DMD: variants seen among roughly 807,000 people sequenced by gnomAD.
DMD encodes mutant dystrophin.
A neutral mutation model predicts 330.1 loss-of-function variants in DMD; 63 were observed. The ratio of observed to expected loss-of-function variants is 0.19; its 90% confidence interval spans 0.16 to 0.24. The LOEUF (loss-of-function observed/expected upper bound fraction) is 0.24, where lower values mean the gene tolerates loss of function less well. Among genes scored for constraint, DMD ranks in the 10% least tolerant of loss-of-function variants. The pLI, the probability that DMD is intolerant of heterozygous loss-of-function variation, is 1.00. For synonymous variants in DMD, 1,223 were observed against 959.8 expected (o/e 1.27, Z -5.07); for missense variants, 3,344 against 2,684.1 (o/e 1.25, Z -5.43).
chrX:32,540,893 C>G (rs1302097958), intron 17 of DMD, among the ~76,000 whole-genome samples: 2 of 111,271 alleles, frequency 1.8e-5, no homozygotes, highest in African/African-American at 6.5e-5. Flanking sequence ...TTGGAGGTAT[C>G]TGGATTTATG....
In DMD at chrX:32,412,116, T is replaced by A. The variant is rs764026008; in HGVS notation, c.4072-203A>T. 3 of 1,157,205 alleles carry A rather than the reference T, an allele frequency of 2.6e-6. No individual in the cohort carries two copies. The African/African-American group carries it at 5.3e-5, about 21-fold the overall frequency. On this transcript the variant is annotated intron_variant, in intron 29 of 78. Coordinates refer to ENST00000357033, the MANE Select transcript of DMD (RefSeq NM_004006.3). ...GAAAAATAAATAGCAAACAAAACTA[T>A]AGGATCAGGGATCTCTGCATGAAAA...
At chrX:32,999,708 G>A (rs185312884) in intron 2 of DMD, among the ~76,000 whole-genome samples, 22 of 110,165 alleles carry the variant, frequency 2.0e-4, no homozygotes, top group Admixed American at 5.9e-4. Context: ...CTAGGGAGTC[G>A]GAGGTTGCAG....
At chrX:31,779,702 TG>T (rs2090907074) in intron 50 of DMD, among the ~76,000 whole-genome samples, 2 of 110,324 alleles carry the variant, frequency 1.8e-5, no homozygotes, top group Non-Finnish European at 3.8e-5. Context: ...TGTGTGTGTG[TG>T]TGTGTGTGTG....
chrX:33,216,961 C>A (rs1416545820), intron 1 of DMD, among the ~76,000 whole-genome samples: 1 of 111,582 alleles, frequency 9.0e-6, no homozygotes, highest in African/African-American at 3.2e-5. Context: ...ATTTTCCCAA[C>A]TTGTTTGATT....
In DMD at chrX:33,014,651, A is replaced by T. The variant is rs5972733; in HGVS notation, c.93+5488T>A. On this transcript the variant is annotated intron_variant, in intron 2 of 78. Coordinates refer to ENST00000357033, the MANE Select transcript of DMD (RefSeq NM_004006.3). ...CATGAAATTATGGAGTTAGGAACAC[A>T]ATGATTACAATTAAAATATCATGTT... Among the ~76,000 whole-genome samples the T allele has an allele frequency of 0.44, 48,307 of 109,922 alleles. 7,739 individuals carry two copies. The highest frequency in any genetic ancestry group is 0.58 in the South Asian group (1,474 of 2,528).
At chrX:32,617,655 A>G (rs1355363123) in intron 11 of DMD, among the ~76,000 whole-genome samples, 2 of 111,782 alleles carry the variant, frequency 1.8e-5, no homozygotes, top group African/African-American at 6.5e-5. Flanking sequence ...TTATTTGGGC[A>G]ATAACTTTTG....
At chrX:32,399,365 T>C (rs1224025395) in intron 30 of DMD, among the ~76,000 whole-genome samples, 1 of 111,528 alleles carries the variant, frequency 9.0e-6, no homozygotes, top group Non-Finnish European at 1.9e-5. Context: ...CTAGAATATA[T>C]AAAGAGCTCA....
chrX:32,161,560 C>A (rs763413163), intron 44 of DMD, among the ~76,000 whole-genome samples: 1 of 111,757 alleles, frequency 8.9e-6, no homozygotes, highest in Non-Finnish European at 1.9e-5. Context: ...ATTTACAGTA[C>A]CTAGCACTTA....
intron 2 of DMD, among the ~76,000 whole-genome samples, chrX:32,948,597 A>G (rs1300611286): frequency 8.9e-6 from 1 of 112,032 alleles, no homozygotes; most frequent in Non-Finnish European, 1.9e-5. Flanking sequence ...TTTCTGTTAA[A>G]TGCATCTGCG....
intron 44 of DMD, among the ~76,000 whole-genome samples, chrX:32,092,362 C>G (rs2096480913): frequency 8.9e-6 from 1 of 111,832 alleles, no homozygotes; most frequent in African/African-American, 3.2e-5. Flanking sequence ...ACACTTCAGA[C>G]AAGGCCCCTT....
intron 1 of DMD, among the ~76,000 whole-genome samples, chrX:33,097,607 C>CTTTTTTTT (rs5902054): frequency 3.4e-5 from 2 of 59,618 alleles, no homozygotes; most frequent in Non-Finnish European, 5.6e-5. Context: ...ACATGAGACT[C>CTTTTTTTT]TTTTTTTTTT....
At chrX:31,298,972 T>G (rs1009643458) in intron 62 of DMD, among the ~76,000 whole-genome samples, 1 of 112,143 alleles carries the variant, frequency 8.9e-6, no homozygotes, top group Non-Finnish European at 1.9e-5. Flanking sequence ...TTCTTTTTCT[T>G]TTTTTGGGAA....
intron 9 of DMD, among the ~76,000 whole-genome samples, chrX:32,655,060 G>A (rs763185639): frequency 1.9e-4 from 21 of 110,799 alleles, no homozygotes; most frequent in Non-Finnish European, 3.0e-4. Flanking sequence ...TCTTGCTAGC[G>A]ATCTATCAAT....
chrX:33,214,282 G>T (rs926015210), upstream of DMD, among the ~76,000 whole-genome samples: 1 of 110,644 alleles, frequency 9.0e-6, no homozygotes, highest in Admixed American at 9.7e-5. Context: ...CCCAGAGTGT[G>T]GTTATAATTT....
intron 17 of DMD, among the ~76,000 whole-genome samples, chrX:32,534,518 T>TC (rs2047773909): frequency 1.8e-5 from 2 of 111,136 alleles, no homozygotes; most frequent in South Asian, 7.6e-4. Flanking sequence ...TCCTGAGACC[T>TC]CCCCAGAAGC....
At chrX:33,163,616 A>ATCTC (rs757158749) in intron 1 of DMD, among the ~76,000 whole-genome samples, 2 of 10,355 alleles carry the variant, frequency 1.9e-4, no homozygotes, top group Admixed American at 1.4e-3. Flanking sequence ...ATCTATATCT[A>ATCTC]TCTCTATCTA....
At chrX:32,929,631 T>C (rs952535542) in intron 2 of DMD, among the ~76,000 whole-genome samples, 2 of 111,182 alleles carry the variant, frequency 1.8e-5, no homozygotes, top group African/African-American at 6.6e-5. Flanking sequence ...GTTACATAGG[T>C]ATGCACGTGC....
At chrX:32,719,956 G>A (rs1034523754) in intron 7 of DMD, among the ~76,000 whole-genome samples, 4 of 103,725 alleles carry the variant, frequency 3.9e-5, no homozygotes, top group Admixed American at 1.0e-4. Flanking sequence ...TGACCCATTA[G>A]AATTCATTCA....
At chrX:32,287,869 AAATTC>A (rs1352665383) in intron 42 of DMD, among the ~76,000 whole-genome samples, 168 bp from the exon 43 acceptor site, 8 of 110,634 alleles carry the variant, frequency 7.2e-5, no homozygotes, top group African/African-American at 2.6e-4. Context: ...TGACATGTTC[AAATTC>A]AATAGGTAAA....
Sources: allele counts gnomAD v4.1 joint callset (sites outside exome capture counted in the v4.1 genomes callset), GRCh38; gene constraint gnomAD v4.1.1; transcripts MANE v1.5; gene names NCBI Gene and HGNC (gene_info 2026-07-23, HGNC 2026-07-21).